SPIRE1: variants seen among roughly 807,000 people sequenced by gnomAD.
SPIRE1 encodes the protein spire type actin nucleation factor 1, also known as protein spire homolog 1.
SPIRE1 carries 40 observed loss-of-function variants against 94.1 expected under a neutral mutation model. The ratio of observed to expected loss-of-function variants is 0.43; its 90% CI spans 0.33 to 0.55. The LOEUF is 0.55. Ranked by LOEUF, SPIRE1 falls within the 20% of genes least tolerant of loss-of-function variation. SPIRE1 has a pLI of 0.06. For synonymous variants in SPIRE1, 376 were observed against 371.7 expected (o/e 1.01, Z -0.13); for missense variants, 838 against 975.2 (o/e 0.86, Z 1.87).
At chr18:12,494,681 C>G (rs1403002143) in intron 7 of SPIRE1, among the ~76,000 whole-genome samples, 1 of 147,292 alleles carries the variant, frequency 6.8e-6, no homozygotes, top group African/African-American at 2.5e-5. Context: ...AAAAAAAATA[C>G]AAAAAAAATT....
chr18:12,491,501 T>C (rs887136623), intron 8 of SPIRE1, among the ~76,000 whole-genome samples: 2 of 152,292 alleles, frequency 1.3e-5, no homozygotes, highest in African/African-American at 4.8e-5. Context: ...CTGATCTTTT[T>C]TTTTTCTTTC....
intron 2 of SPIRE1, among the ~76,000 whole-genome samples, chr18:12,580,860 T>A (rs955005903): frequency 1.6e-4 from 25 of 152,080 alleles, no homozygotes; most frequent in African/African-American, 6.0e-4. Context: ...TTTCTTCAGT[T>A]GGAGAGAAAG....
At chr18:12,533,844 T>C (rs2034760328) in intron 4 of SPIRE1, among the ~76,000 whole-genome samples, 1 of 152,000 alleles carries the variant, frequency 6.6e-6, no homozygotes, top group Admixed American at 6.6e-5. Flanking sequence ...GAAAACCTAG[T>C]TGAGGATGTG....
chr18:12,633,414 T>C (rs889819511), intron 2 of SPIRE1, among the ~76,000 whole-genome samples: 5 of 151,932 alleles, frequency 3.3e-5, no homozygotes, highest in Admixed American at 3.3e-4. Context: ...CCGTCTTCAC[T>C]AAAAATACAA....
chr18:12,558,386 C>G (rs939903185), intron 2 of SPIRE1, among the ~76,000 whole-genome samples: 1 of 152,182 alleles, frequency 6.6e-6, no homozygotes, highest in African/African-American at 2.4e-5. Context: ...TTACAGCTCA[C>G]AAAGGCAGTG....
intron 2 of SPIRE1, among the ~76,000 whole-genome samples, chr18:12,589,115 A>G (rs1288104980): frequency 6.6e-6 from 1 of 152,164 alleles, no homozygotes; most frequent in Non-Finnish European, 1.5e-5. Context: ...TGCACATATT[A>G]TTTATTAATG....
intron 4 of SPIRE1, among the ~76,000 whole-genome samples, chr18:12,528,748 G>C (rs1037540061): frequency 2.0e-5 from 3 of 152,202 alleles, no homozygotes; most frequent in Admixed American, 1.3e-4. Flanking sequence ...CGTGAGGCAA[G>C]GTAAGGTAGA....
rs67894900 is a variant in SPIRE1, at chr18:12,501,072, C to CAAA, written c.973-4973_973-4971dup. ...GGGCAACAACAGTGAAACTCTGTCT[C>CAAA]AAAAAAAAAAAAAAAAAAAAAAAGA... On this transcript the variant is annotated intron_variant, in intron 6 of 16. Transcript: ENST00000409402. Among the ~76,000 whole-genome samples the CAAA allele has an allele frequency of 9.8e-4, 79 of 80,256 alleles. 1 individual carries two copies. Among genetic ancestry groups the CAAA allele is most frequent in the East Asian group, 2.6e-3 (5 of 1,940 alleles). The allele number at this position is 80,256 out of a possible 152,430, so 52.7% of individuals were successfully genotyped here.
At chr18:12,639,144 C>T (rs8097134) in intron 1 of SPIRE1, among the ~76,000 whole-genome samples, 68,375 of 150,706 alleles carry the variant, frequency 0.45, 16,009 homozygotes, top group Middle Eastern at 0.54. Flanking sequence ...TTTTTTGAGA[C>T]GGAGTCTCGC....
chr18:12,649,036 A>G (rs1386198717), intron 1 of SPIRE1, among the ~76,000 whole-genome samples: 2 of 152,100 alleles, frequency 1.3e-5, no homozygotes, highest in Non-Finnish European at 2.9e-5. Flanking sequence ...AAATGTTAAC[A>G]TTTAGGGGAA....
chr18:12,658,140 CG>C, upstream of SPIRE1: 1 of 942,102 alleles, frequency 1.1e-6, no homozygotes. Flanking sequence ...CGCCTCGCGC[CG>C]TCCAGCGCCG....
chr18:12,656,300 A>C (rs2144916336), intron 1 of SPIRE1, among the ~76,000 whole-genome samples: 1 of 152,348 alleles, frequency 6.6e-6, no homozygotes, highest in South Asian at 2.1e-4. Context: ...GTTTAAAAGC[A>C]ATAAGCCCAT....
chr18:12,448,600 T>TA lies in SPIRE1; in HGVS notation c.*1037dup, dbSNP rs2031061265. The stretch of plus-strand genomic sequence containing the variant: ...GCCTGTCAGCAGGTTAATTTTCTTC[T>TA]AACTTTAAAAGAAGTAGATATTTTT... On this transcript the variant is annotated 3_prime_UTR_variant, in exon 17 of 17. Transcript: ENST00000409402. This position sits in a 1 kb window ranked among gnomAD's most constrained non-coding sequence, Gnocchi z 4.4. 1 of 152,220 alleles carries TA rather than the reference T, an allele frequency of 6.6e-6. No individual in the cohort carries two copies. Among genetic ancestry groups the TA allele is most frequent in the South Asian group, 2.1e-4 (1 of 4,834 alleles). The allele number at this position is 152,220 out of a possible 1,614,324, so 9.4% of individuals were successfully genotyped here.
chr18:12,508,011 T>C (rs2033894606), intron 5 of SPIRE1, among the ~76,000 whole-genome samples: 1 of 152,088 alleles, frequency 6.6e-6, no homozygotes, highest in South Asian at 2.1e-4. Context: ...CCGGGTGTGG[T>C]GGCACGTGCC....
At chr18:12,562,688 T>C (rs1483303872) in intron 2 of SPIRE1, among the ~76,000 whole-genome samples, 1 of 122,352 alleles carries the variant, frequency 8.2e-6, no homozygotes, top group African/African-American at 3.1e-5. Context: ...TTAAAAAAAT[T>C]TTGTAGAGAA....
chr18:12,485,347 C>T (rs913413284), intron 9 of SPIRE1, among the ~76,000 whole-genome samples: 2 of 152,044 alleles, frequency 1.3e-5, no homozygotes, highest in Non-Finnish European at 2.9e-5. Context: ...CCTTAAGATC[C>T]GCCCACCTCA....
chr18:12,600,102 CAAA>C (rs58628339), intron 2 of SPIRE1, among the ~76,000 whole-genome samples: 7 of 118,460 alleles, frequency 5.9e-5, no homozygotes, highest in Admixed American at 1.8e-4. Context: ...CAATGGCCAG[CAAA>C]AAAAAAAAAA....
chr18:12,495,076 G>C (rs966082233), intron 7 of SPIRE1, among the ~76,000 whole-genome samples: 3 of 147,708 alleles, frequency 2.0e-5, no homozygotes, highest in Non-Finnish European at 4.5e-5. Flanking sequence ...AACCCTCCTA[G>C]GTAGCCCTCT....
chr18:12,631,779 C>T lies in SPIRE1; in HGVS notation c.372+3283G>A, dbSNP rs187678449. ...ACTTGGGAGGCTGAGGTAGTAGAAT[C>T]GCTTGAACCCAGGAGGCAGAGGTTG... is the stretch of plus-strand genomic sequence containing the variant. On this transcript the variant is annotated intron_variant, in intron 2 of 16. Transcript: ENST00000409402. Among the ~76,000 whole-genome samples the T allele has an allele frequency of 3.9e-5, 6 of 152,168 alleles. No homozygotes were observed. In the East Asian group the frequency reaches 9.7e-4, roughly 25 times the overall value.
Sources: allele counts gnomAD v4.1 joint callset (sites outside exome capture counted in the v4.1 genomes callset), GRCh38; gene constraint gnomAD v4.1.1; non-coding constraint Gnocchi (gnomAD v3.1); transcripts MANE v1.5; gene names NCBI Gene and HGNC (gene_info 2026-07-23, HGNC 2026-07-21).